SLC15A4: variants seen among roughly 807,000 people sequenced by gnomAD.
SLC15A4 encodes the protein hPHT1.
In SLC15A4, 26 loss-of-function variants were observed where a neutral mutation model predicts 46.1. The observed-to-expected ratio is 0.56, with a 90% CI of 0.41 to 0.78. The LOEUF (loss-of-function observed/expected upper bound fraction) is 0.78. Among genes scored for constraint, SLC15A4 ranks in the 30% least tolerant of loss-of-function variants. SLC15A4 has a pLI of 0.00. For missense variants in SLC15A4, 751 were observed against 755.7 expected, an observed-to-expected ratio of 0.99 and a Z score of 0.07; for synonymous variants, 370 against 333.4, an observed-to-expected ratio of 1.11 and a Z score of -1.20.
chr12:128,810,960 C>T (rs1685105829), intron 2 of SLC15A4, among the ~76,000 whole-genome samples: 1 of 152,258 alleles, frequency 6.6e-6, no homozygotes, highest in African/African-American at 2.4e-5. Context: ...ACTGTCCCTC[C>T]ACTCCCTGCC....
Position 128,801,003 on chromosome 12 carries a change from AAAATTCCTAG to A in SLC15A4, c.1259-4_1264del. The A allele has an allele frequency of 6.3e-7, 1 of 1,597,680 alleles. No homozygotes were observed. The highest frequency in any genetic ancestry group is 8.5e-7 in the Non-Finnish European group (1 of 1,173,342). ...AACAAGGTTCAGCCTTTTACTCTCCAAAATTCCTAGAATTCAAAAGTAGGTTAGTGTAATA... is the reference window on the plus strand; with the variant it reads ...AACAAGGTTCAGCCTTTTACTCTCCAAATTCAAAAGTAGGTTAGTGTAATA... On this transcript the variant is annotated splice_acceptor_variant and splice_polypyrimidine_tract_variant and coding_sequence_variant and intron_variant, in exon 6 of 8. Transcript: ENST00000266771. LOFTEE classifies it high-confidence loss of function.
At chr12:128,797,060 G>A (rs1347951635) in intron 7 of SLC15A4, among the ~76,000 whole-genome samples, 1 of 152,170 alleles carries the variant, frequency 6.6e-6, no homozygotes, top group Admixed American at 6.5e-5. Flanking sequence ...ACAGACAGAA[G>A]GATAATTACA....
chr12:128,823,412 AGGGC>A lies in SLC15A4; in HGVS notation c.528_531del (p.Pro177SerfsTer33), dbSNP rs887775941. 2 of 1,444,828 alleles carry A rather than the reference AGGGC, an allele frequency of 1.4e-6. No individual in the cohort carries two copies. Among genetic ancestry groups the A allele is most frequent in the Non-Finnish European group, 1.8e-6 (2 of 1,105,802 alleles). 89.5% of individuals were successfully genotyped at this position (1,444,828 alleles called of 1,614,324 possible). ...GCGCGGCTCACCTGGTCGGCGCCGA[AGGGC>A]GTGATGTTGGCCTTGACGGTGGCCA... On this transcript the variant is annotated frameshift_variant, in exon 1 of 8. Coordinates refer to ENST00000266771, the MANE Select transcript of SLC15A4 (RefSeq NM_145648.4). LOFTEE classifies it high-confidence loss of function.
intron 1 of SLC15A4, among the ~76,000 whole-genome samples, chr12:128,823,103 GCTGGAATT>G (rs1164291162): frequency 6.6e-6 from 1 of 152,180 alleles, no homozygotes; most frequent in East Asian, 1.9e-4. Flanking sequence ...CTCCCAAAGT[GCTGGAATT>G]ACAGGCGTGA....
chr12:128,804,465 C>T (rs531808162), intron 5 of SLC15A4, among the ~76,000 whole-genome samples: 15 of 152,338 alleles, frequency 9.8e-5, no homozygotes, highest in African/African-American at 2.2e-4. Flanking sequence ...GGCCCAGTGG[C>T]TCACGCCTGT....
intron 2 of SLC15A4, chr12:128,814,212 G>A (rs201983618): frequency 8.5e-4 from 163 of 192,690 alleles, no homozygotes; most frequent in Non-Finnish European, 1.2e-3. Context: ...GGACCTGACC[G>A]CCGTATGATG....
intron 7 of SLC15A4, among the ~76,000 whole-genome samples, chr12:128,798,490 TC>T (rs2135704694): frequency 6.6e-6 from 1 of 152,306 alleles, no homozygotes; most frequent in South Asian, 2.1e-4. Flanking sequence ...TGCAGAAAAG[TC>T]CCTAAACGTT....
At chr12:128,815,311 A>AGAGTGTTTCCAAGTATGTGGAAAAACTT in intron 1 of SLC15A4, 1 of 418,482 alleles carries the variant, frequency 2.4e-6, no homozygotes, top group Non-Finnish European at 4.4e-6. Context: ...CAAATGCTAG[A>AGAGTGTTTCCAAGTATGTGGAAAAACTT]GAGTTTTTCC....
chr12:128,815,405 G>A (rs11610968), intron 1 of SLC15A4: 81,164 of 260,372 alleles, frequency 0.31, 13,206 homozygotes, highest in Non-Finnish European at 0.34. Flanking sequence ...AACAGAGTCC[G>A]CTGGGCATGG....
chr12:128,810,837 C>T (rs1955648126), intron 2 of SLC15A4, among the ~76,000 whole-genome samples: 1 of 152,164 alleles, frequency 6.6e-6, no homozygotes, highest in South Asian at 2.1e-4. Flanking sequence ...CCCTATTGCA[C>T]AGAGGAAGAT....
intron 1 of SLC15A4, among the ~76,000 whole-genome samples, chr12:128,816,360 A>T (rs996288700): frequency 6.6e-6 from 1 of 152,242 alleles, no homozygotes; most frequent in African/African-American, 2.4e-5. Context: ...AACTTATGAG[A>T]GGCTGATACT....
chr12:128,800,875 C>T lies in SLC15A4; in HGVS notation c.1393G>A (p.Glu465Lys), dbSNP rs763905847. ...TCACCTGCGATACTTGCAAAGATCT[C>T]GCTGATCCCAATCAGCAAGTACTGC... ...VPQYLLIGIS[E>K]IFASIAGLEF... Residue 465 changes from glutamate to lysine, a missense_variant, in exon 6 of 8, where the codon GAG becomes AAG. Glu to Lys is a moderately conservative substitution (Grantham distance 56). Coordinates refer to ENST00000266771, the MANE Select transcript of SLC15A4 (RefSeq NM_145648.4). 2.5e-6 allele frequency: 4 copies of T among 1,612,932 alleles called. No homozygotes were observed. Among genetic ancestry groups the T allele is most frequent in the African/African-American group, 1.3e-5 (1 of 74,832 alleles).
intron 4 of SLC15A4, 112 bp from the exon 5 acceptor site, chr12:128,809,068 CA>C (rs1370273955): frequency 2.1e-6 from 2 of 960,202 alleles, no homozygotes; most frequent in Non-Finnish European, 3.1e-6. Context: ...TTCCTCTCCA[CA>C]AGGTACAACC....
chr12:128,809,518 C>G, intron 3 of SLC15A4, 45 bp from the exon 4 acceptor site: 1 of 1,255,516 alleles, frequency 8.0e-7, no homozygotes, highest in South Asian at 1.3e-5. Context: ...CAACTGTGCT[C>G]TCAAACACTC....
At chr12:128,795,900 A>C (rs1480694318) in intron 7 of SLC15A4, among the ~76,000 whole-genome samples, 4 of 152,330 alleles carry the variant, frequency 2.6e-5, no homozygotes, top group African/African-American at 9.6e-5. Context: ...TTTCTGCACG[A>C]GGTCGCAGGT....
chr12:128,816,656 C>G (rs758203537), intron 1 of SLC15A4, among the ~76,000 whole-genome samples: 1 of 152,018 alleles, frequency 6.6e-6, no homozygotes, highest in Non-Finnish European at 1.5e-5. Flanking sequence ...ACAGACAGAC[C>G]CCCATCTCTA....
chr12:128,795,738 C>A (rs539485923), intron 7 of SLC15A4, among the ~76,000 whole-genome samples: 1 of 152,366 alleles, frequency 6.6e-6, no homozygotes, highest in Non-Finnish European at 1.5e-5. Flanking sequence ...GAGCAGAAAA[C>A]GGCAGGACTT....
At chr12:128,796,305 A>T (rs1278599217) in intron 7 of SLC15A4, among the ~76,000 whole-genome samples, 3 of 151,868 alleles carry the variant, frequency 2.0e-5, no homozygotes, top group African/African-American at 7.3e-5. Context: ...GGCGCCTGTA[A>T]TCTCAGCTGC....
Position 128,808,946 on chromosome 12 carries a change from G to A in SLC15A4, c.1100C>T (p.Ala367Val). ...ITTTPHTLPA[A>V]WLTMFDAVLI... ...CACAGCATCAAACATGGTCAGCCAG[G>A]CTGCAGGGAGCTGGGGTGAAACACA... The change falls in exon 5 of 8, where the codon GCC becomes GTC. Residue 367 changes from alanine to valine, a missense_variant. Physicochemically the swap from Ala to Val is moderately conservative, Grantham distance 64 (BLOSUM62 0). Coordinates refer to ENST00000266771, the MANE Select transcript of SLC15A4 (RefSeq NM_145648.4). The A allele has an allele frequency of 6.2e-7, 1 of 1,613,358 alleles. No homozygotes were observed. Among genetic ancestry groups the A allele is most frequent in the Non-Finnish European group, 8.5e-7 (1 of 1,179,532 alleles).
Sources: gnomAD v4.1 joint callset for allele counts (sites outside exome capture counted in the v4.1 genomes callset) on GRCh38, gnomAD v4.1.1 for gene constraint, MANE v1.5 for transcripts, NCBI Gene and HGNC (gene_info 2026-07-23, HGNC 2026-07-21) for gene names.